PGLYRP4: variants seen among roughly 807,000 people sequenced by gnomAD.
PGLYRP4 encodes PGRP-I-beta.
A neutral mutation model predicts 41.2 loss-of-function variants in PGLYRP4; 39 were observed. The observed-to-expected ratio is 0.95, with a 90% CI of 0.73 to 1.24. PGLYRP4 has a LOEUF of 1.24. PGLYRP4 is among the 50% of genes most tolerant of loss of function. PGLYRP4 has a pLI of 0.00. For synonymous variants in PGLYRP4, 202 were observed against 186.8 expected, an observed-to-expected ratio of 1.08 and a Z score of -0.66; for missense variants, 467 against 460.7, an observed-to-expected ratio of 1.01 and a Z score of -0.13.
rs2101574007 is a variant in PGLYRP4, at chr1:153,343,358, G to A, written c.354-150C>T. 4.9e-6 allele frequency: 3 copies of A among 609,890 alleles called. No homozygotes were observed. The South Asian group carries it at 6.4e-5, about 13-fold the overall frequency. 37.8% of individuals were successfully genotyped at this position (609,890 alleles called of 1,614,324 possible). ...GAACTCTTCCCAGACATTGAAAAGA[G>A]CAAGTCATTTATACTAGTCCTTAGA... On this transcript the variant is annotated intron_variant, in intron 4 of 8. Coordinates refer to ENST00000359650, the MANE Select transcript of PGLYRP4 (RefSeq NM_020393.4).
rs753753926 is a variant in PGLYRP4, at chr1:153,346,191, C to T, written c.50G>A (p.Gly17Asp). The change falls in exon 3 of 9, where the codon GGT (glycine) becomes GAT (aspartate). Residue 17 changes from glycine (G) to aspartate (D), a missense_variant and splice_region_variant. Transcript: ENST00000359650. ...TTGTGTTTTGTTCCAGGAGGAATCA[C>T]CTGCAAAGGAATATCCCATTTTGCA... The part of the protein sequence containing the change: ...VFSALGIQAW[G>D]DSSWNKTQAK... The T allele has an allele frequency of 2.2e-5, 35 of 1,612,126 alleles. No homozygotes were observed. Among genetic ancestry groups the T allele is most frequent in the Non-Finnish European group, 2.9e-5 (34 of 1,178,132 alleles).
At chr1:153,334,468 T>TATATGTATTTTTATATATA (rs1275488427) in intron 8 of PGLYRP4, among the ~76,000 whole-genome samples, 1 of 142,530 alleles carries the variant, frequency 7.0e-6, no homozygotes, top group Admixed American at 7.0e-5. Flanking sequence ...ATATATTTAT[T>TATATGTATTTTTATATATA]TATATATATT....
chr1:153,331,922 A>T (rs913452084), intron 8 of PGLYRP4, among the ~76,000 whole-genome samples: 2 of 152,250 alleles, frequency 1.3e-5, no homozygotes, highest in Non-Finnish European at 2.9e-5. Flanking sequence ...CTGCAAAGCA[A>T]CTGGGTAACC....
chr1:153,330,650 G>T lies in PGLYRP4; in HGVS notation c.*117C>A. The T allele has an allele frequency of 1.2e-6, 1 of 801,792 alleles. No homozygotes were observed. Among genetic ancestry groups the T allele is most frequent in the Non-Finnish European group, 2.1e-6 (1 of 483,850 alleles). The allele number at this position is 801,792 out of a possible 1,614,324, so 49.7% of individuals were successfully genotyped here. Reference sequence around the variant, plus strand: ...TGATCATCCCAACCTGAAAAAGGAGGCACAGGACTGTGTGGCAGGGGAGGA... The same window carrying T: ...TGATCATCCCAACCTGAAAAAGGAGTCACAGGACTGTGTGGCAGGGGAGGA... On this transcript the variant is annotated 3_prime_UTR_variant, in exon 9 of 9. Coordinates refer to ENST00000359650, the MANE Select transcript of PGLYRP4 (RefSeq NM_020393.4).
At chr1:153,346,609 T>A (rs560064178) in intron 2 of PGLYRP4, among the ~76,000 whole-genome samples, 1 of 152,336 alleles carries the variant, frequency 6.6e-6, no homozygotes, top group South Asian at 2.1e-4. Flanking sequence ...CTCAGACCAG[T>A]TCCCCCGGGA....
Position 153,348,194 on chromosome 1 carries a change from A to G in PGLYRP4, c.-46-216T>C, listed in dbSNP as rs113237940. On this transcript the variant is annotated intron_variant, in intron 1 of 8. Coordinates refer to ENST00000359650, the MANE Select transcript of PGLYRP4 (RefSeq NM_020393.4). ...AGGAACTCAATTTCATCACGTGCCC[A>G]CGGCGTGCAAGGCTGTGTACACACT... Among the ~76,000 whole-genome samples the G allele has an allele frequency of 6.9e-3, 1,056 of 152,264 alleles. 16 individuals carry two copies. The highest frequency in any genetic ancestry group is 0.024 in the African/African-American group (999 of 41,542).
rs1276247413 is a variant in PGLYRP4, at chr1:153,346,254, G to T, written c.50-63C>A. 6.5e-6 allele frequency: 8 copies of T among 1,228,122 alleles called. No individual in the cohort carries two copies. In the African/African-American group the frequency reaches 7.4e-5, roughly 11 times the overall value. 76.1% of individuals were successfully genotyped at this position (1,228,122 alleles called of 1,614,324 possible). A position where few individuals can be genotyped will look rare whatever the true frequency, so the allele number is the denominator to read the frequency against. ...AATACCAGCCATCATGGTGGCACCA[G>T]CTCTGAACAGAAACAGCCATCCCCT... On this transcript the variant is annotated intron_variant, in intron 2 of 8. Coordinates refer to ENST00000359650, the MANE Select transcript of PGLYRP4 (RefSeq NM_020393.4).
rs1660754169 is a variant in PGLYRP4 at position 153,340,554 on chromosome 1, A to G, written c.651T>C (p.Ser217=). 2 of 1,614,076 alleles carry G rather than the reference A, an allele frequency of 1.2e-6. No homozygotes were observed. The highest frequency in any genetic ancestry group is 1.7e-6 in the Non-Finnish European group (2 of 1,180,006). ...KKACPGVVPR[S]VWGARETHCP... ...AGTGGGTCTCCCTGGCTCCCCACAC[A>G]GACCGTGGGACAACGCCGGGGCAAG... Residue 217 remains serine (S), a synonymous_variant, in exon 7 of 9, where the codon TCT becomes TCC. Transcript: ENST00000359650.
At chr1:153,333,115 G>A (rs1175733520) in intron 8 of PGLYRP4, among the ~76,000 whole-genome samples, 1 of 151,876 alleles carries the variant, frequency 6.6e-6, no homozygotes, top group Non-Finnish European at 1.5e-5. Context: ...AAGGATCAAT[G>A]AAACAAAAAG....
In PGLYRP4 at chr1:153,341,370, G is replaced by A. The variant is rs529242014; in HGVS notation, c.625+257C>T. Reference sequence around the variant, plus strand: ...GTTCAGTAATTGCTTGTTGAGTGATGGAAGAAAGGAGTGTGCATATATGAC... The same window carrying A: ...GTTCAGTAATTGCTTGTTGAGTGATAGAAGAAAGGAGTGTGCATATATGAC... On this transcript the variant is annotated intron_variant, in intron 6 of 8. Coordinates refer to ENST00000359650, the MANE Select transcript of PGLYRP4 (RefSeq NM_020393.4). Among the ~76,000 whole-genome samples, 2 of 152,308 alleles carry A rather than the reference G, an allele frequency of 1.3e-5. 1 individual carries two copies. The highest frequency in any genetic ancestry group is 4.1e-4 in the South Asian group (2 of 4,824).
intron 2 of PGLYRP4, among the ~76,000 whole-genome samples, chr1:153,347,417 TG>T (rs1356432230): frequency 2.0e-5 from 3 of 152,190 alleles, no homozygotes; most frequent in Admixed American, 6.5e-5. Flanking sequence ...TCACCCAGGT[TG>T]GAGTGCAGTG....
rs377125198 is a variant in PGLYRP4, at chr1:153,343,274, C to T, written c.354-66G>A. On this transcript the variant is annotated intron_variant, in intron 4 of 8. Transcript: ENST00000359650. ...AGGACATTCCTGAGAGGTGAAACCA[C>T]TTACCCAGCCTCAAAATGGAGAAGG... The T allele has an allele frequency of 6.1e-5, 62 of 1,019,112 alleles. No homozygotes were observed. In the East Asian group the frequency reaches 8.2e-4, roughly 13 times the overall value. 63.1% of individuals were successfully genotyped at this position (1,019,112 alleles called of 1,614,324 possible).
intron 7 of PGLYRP4, 67 bp downstream of exon 7, chr1:153,340,314 C>A: frequency 7.0e-7 from 1 of 1,424,806 alleles, no homozygotes; most frequent in South Asian, 1.2e-5. Flanking sequence ...TCCCTTTCCC[C>A]TTCCTTTCAA....
chr1:153,340,237 G>C, intron 7 of PGLYRP4, 144 bp downstream of exon 7: 1 of 705,560 alleles, frequency 1.4e-6, no homozygotes, highest in South Asian at 1.8e-5. Context: ...AGGCAGGGTC[G>C]TGTGATGAAT....
At chr1:153,344,577 A>G (rs1660925136) in intron 4 of PGLYRP4, among the ~76,000 whole-genome samples, 1 of 152,232 alleles carries the variant, frequency 6.6e-6, no homozygotes, top group African/African-American at 2.4e-5. Flanking sequence ...CACTGCACTC[A>G]GGAACTGTCC....
At chr1:153,340,687 T>C in intron 6 of PGLYRP4, 108 bp from the exon 7 acceptor site, 3 of 1,121,082 alleles carry the variant, frequency 2.7e-6, no homozygotes, top group Non-Finnish European at 3.8e-6. Context: ...CCCAAACCCC[T>C]CTGGGTCTCC....
chr1:153,347,759 T>C, intron 2 of PGLYRP4, 125 bp downstream of exon 2: 1 of 717,918 alleles, frequency 1.4e-6, no homozygotes, highest in Admixed American at 2.3e-5. Context: ...AGTGGTGGGA[T>C]CTCGGCTCAC....
chr1:153,339,903 A>G (rs753575983), intron 7 of PGLYRP4, among the ~76,000 whole-genome samples: 1 of 152,208 alleles, frequency 6.6e-6, no homozygotes, highest in Non-Finnish European at 1.5e-5. Flanking sequence ...CAGGAAGGAT[A>G]TCCTTCCCAA....
chr1:153,348,422 C>T (rs1661107009), intron 1 of PGLYRP4, 106 bp downstream of exon 1: 1 of 157,472 alleles, frequency 6.4e-6, no homozygotes, highest in East Asian at 1.9e-4. Context: ...AGGAGGGGTT[C>T]CTAGTTCTAG....
Sources: gnomAD v4.1 joint callset for allele counts (sites outside exome capture counted in the v4.1 genomes callset) on GRCh38, gnomAD v4.1.1 for gene constraint, MANE v1.5 for transcripts, NCBI Gene and HGNC (gene_info 2026-07-23, HGNC 2026-07-21) for gene names.